MEGF6: variants seen among roughly 807,000 people sequenced by gnomAD.
MEGF6 encodes the protein multiple EGF like domains 6.
A neutral mutation model predicts 207.1 loss-of-function variants in MEGF6; 184 were observed. The observed-to-expected ratio is 0.89, with a 90% CI of 0.79 to 1.00. The LOEUF is 1.00. Among genes scored for constraint, MEGF6 ranks in the 50% least tolerant of loss-of-function variants. The pLI, the probability that MEGF6 is intolerant of heterozygous loss-of-function variation, is 0.00. For missense variants in MEGF6, 2,282 were observed against 2,202.9 expected, an observed-to-expected ratio of 1.04 and a Z score of -0.72; for synonymous variants, 1,038 against 910.0, an observed-to-expected ratio of 1.14 and a Z score of -2.53.
chr1:3,497,631 C>G, intron 26 of MEGF6: 4 of 643,280 alleles, frequency 6.2e-6, no homozygotes, highest in Non-Finnish European at 2.9e-6. Context: ...GCTGCAGGGA[C>G]GAGACAGATA....
chr1:3,494,309 A>AC lies in MEGF6; in HGVS notation c.4129+61dup. On this transcript the variant is annotated intron_variant, in intron 32 of 36. Coordinates refer to ENST00000356575, the MANE Select transcript of MEGF6 (RefSeq NM_001409.4). ...CTTCACTGCTGCCTGGATCACCCAC[A>AC]CGGGAGGAGTGGACAGTGGCTCAAA... The AC allele has an allele frequency of 2.0e-6, 3 of 1,501,928 alleles. No homozygotes were observed. The Admixed American group carries it at 6.2e-5, about 31-fold the overall frequency. The allele number at this position is 1,501,928 out of a possible 1,614,324, so 93.0% of individuals were successfully genotyped here.
intron 3 of MEGF6, among the ~76,000 whole-genome samples, chr1:3,593,827 G>A (rs1644018118): frequency 6.6e-6 from 1 of 151,612 alleles, no homozygotes; most frequent in South Asian, 2.1e-4. Context: ...CGGCTGGCCA[G>A]CACCCCCCTC....
chr1:3,501,483 G>A (rs1640863776), intron 18 of MEGF6, among the ~76,000 whole-genome samples, 175 bp from the exon 19 acceptor site: 1 of 152,052 alleles, frequency 6.6e-6, no homozygotes, highest in African/African-American at 2.4e-5. Flanking sequence ...GCAGGCTGCG[G>A]GGTGCGCACC....
intron 14 of MEGF6, among the ~76,000 whole-genome samples, chr1:3,506,525 C>T (rs149703084): frequency 3.3e-5 from 5 of 152,326 alleles, no homozygotes; most frequent in African/African-American, 1.2e-4. Context: ...AAGTCTGGCC[C>T]CCATCAGGAG....
chr1:3,536,256 C>T (rs574903743), intron 4 of MEGF6, among the ~76,000 whole-genome samples: 12 of 147,648 alleles, frequency 8.1e-5, no homozygotes, highest in South Asian at 7.0e-4. Context: ...CCCTCCTCTA[C>T]GACACCCCTT....
At chr1:3,564,688 C>T (rs1643296574) in intron 4 of MEGF6, among the ~76,000 whole-genome samples, 1 of 152,166 alleles carries the variant, frequency 6.6e-6, no homozygotes, top group South Asian at 2.1e-4. Context: ...CTCCCCAAAG[C>T]AGGGGTATGG....
chr1:3,565,120 G>A lies in MEGF6; in HGVS notation c.481+14705C>T, dbSNP rs750028861. Among the ~76,000 whole-genome samples, 38 of 152,016 alleles carry A rather than the reference G, an allele frequency of 2.5e-4. No homozygotes were observed. The highest frequency in any genetic ancestry group is 4.6e-4 in the Non-Finnish European group (31 of 67,978). ...GGCCTGGCACGCAGTGGGGTCCGGC[G>A]ATGGACGCATGAATGAAGCCCCCTA... On this transcript the variant is annotated intron_variant, in intron 4 of 36. Transcript: ENST00000356575. The surrounding 1 kb of genome is among the most constrained non-coding windows in gnomAD (Gnocchi z 4.8).
intron 26 of MEGF6, among the ~76,000 whole-genome samples, chr1:3,497,893 C>G (rs982462027): frequency 6.6e-6 from 1 of 152,168 alleles, no homozygotes; most frequent in East Asian, 1.9e-4. Context: ...GGGTGGGAGG[C>G]CGGGGCTTTG....
chr1:3,492,842 G>A (rs1640428987), intron 34 of MEGF6, 75 bp from the exon 35 acceptor site: 4 of 1,550,650 alleles, frequency 2.6e-6, no homozygotes, highest in Non-Finnish European at 3.5e-6. Flanking sequence ...CCTGGGCCTA[G>A]GGGCCCGCGG....
At chr1:3,620,685 C>T in the MEGF6 span, among the ~76,000 whole-genome samples, 5 of 152,212 alleles carry the variant, frequency 3.3e-5, no homozygotes, top group Non-Finnish European at 5.9e-5. Flanking sequence ...GGGTCTTTCT[C>T]CCCATGTGCA....
At chr1:3,496,070 G>A (rs767287184) in intron 29 of MEGF6, 52 bp from the exon 30 acceptor site, 36 of 1,464,582 alleles carry the variant, frequency 2.5e-5, no homozygotes, top group South Asian at 9.7e-5. Flanking sequence ...CTCCCTGCCC[G>A]GTCAACCCCG....
At chr1:3,595,588 G>T in intron 2 of MEGF6, 141 bp from the exon 3 acceptor site, 2 of 675,790 alleles carry the variant, frequency 3.0e-6, no homozygotes, top group Non-Finnish European at 5.1e-6. Flanking sequence ...CCTGGGTGGG[G>T]TGGCTGATGC....
intron 15 of MEGF6, 123 bp from the exon 16 acceptor site, chr1:3,505,679 C>A: frequency 3.9e-6 from 5 of 1,287,648 alleles, no homozygotes; most frequent in Non-Finnish European, 5.2e-6. Flanking sequence ...TCCTCCTCCA[C>A]CTCTCCCCCT....
At position 3,565,416 on chromosome 1, in the gene MEGF6, G is replaced by A. The variant is rs985051063; in HGVS notation, c.481+14409C>T. Reference sequence around the variant, plus strand: ...TCTGGCCTCTCAAGGCCACCAGGGGGTGCCAGCGCCCCACCCTGAGCACGC... The same window carrying A: ...TCTGGCCTCTCAAGGCCACCAGGGGATGCCAGCGCCCCACCCTGAGCACGC... On this transcript the variant is annotated intron_variant, in intron 4 of 36. Coordinates refer to ENST00000356575, the MANE Select transcript of MEGF6 (RefSeq NM_001409.4). The surrounding 1 kb of genome is among the most constrained non-coding windows in gnomAD (Gnocchi z 4.8). Among the ~76,000 whole-genome samples the A allele has an allele frequency of 3.9e-5, 6 of 152,200 alleles. No homozygotes were observed. The highest frequency in any genetic ancestry group is 1.4e-4 in the African/African-American group (6 of 41,458).
At chr1:3,501,524 G>A (rs778717034) in intron 18 of MEGF6, among the ~76,000 whole-genome samples, 15 of 152,028 alleles carry the variant, frequency 9.9e-5, no homozygotes, top group Non-Finnish European at 2.2e-4. Flanking sequence ...CCCCGGCACC[G>A]TTCAGCTGGC....
intron 4 of MEGF6, among the ~76,000 whole-genome samples, chr1:3,525,793 C>T (rs947169868): frequency 2.0e-5 from 3 of 152,260 alleles, no homozygotes; most frequent in South Asian, 2.1e-4. Context: ...TCTGCAGGAA[C>T]GCAGCGGGAA....
intron 4 of MEGF6, among the ~76,000 whole-genome samples, chr1:3,568,231 A>G (rs1004470406): frequency 6.6e-6 from 1 of 152,076 alleles, no homozygotes; most frequent in African/African-American, 2.4e-5. Flanking sequence ...AGTGTGCAGG[A>G]CCTGCCATGA....
intron 3 of MEGF6, among the ~76,000 whole-genome samples, chr1:3,589,372 C>T (rs1185393576): frequency 2.6e-5 from 4 of 152,092 alleles, no homozygotes; most frequent in African/African-American, 7.2e-5. Flanking sequence ...CCTGCGCCCC[C>T]CACCCCACGC....
chr1:3,509,378 AC>A, intron 11 of MEGF6, 133 bp from the exon 12 acceptor site: 1 of 683,154 alleles, frequency 1.5e-6, no homozygotes, highest in Non-Finnish European at 2.2e-6. Context: ...CACTACCCCC[AC>A]CTCCTCAGCC....
Sources: gnomAD v4.1 joint callset for allele counts (sites outside exome capture counted in the v4.1 genomes callset) on GRCh38, gnomAD v4.1.1 for gene constraint, Gnocchi (gnomAD v3.1) non-coding constraint, MANE v1.5 for transcripts, NCBI Gene and HGNC (gene_info 2026-07-23, HGNC 2026-07-21) for gene names.